FHIT: variants seen among roughly 807,000 people sequenced by gnomAD.
FHIT encodes the protein bis(5'-adenosyl)-triphosphatase.
In FHIT, 19 loss-of-function variants were observed where a neutral mutation model predicts 17.9. That is an observed-to-expected ratio of 1.06 (90% CI 0.74 to 1.56). The LOEUF is 1.56. FHIT is among the 40% of genes most tolerant of loss of function. The pLI is 0.00. For synonymous variants in FHIT, 81 were observed against 69.7 expected, an observed-to-expected ratio of 1.16 and a Z score of -0.81; for missense variants, 248 against 189.2, an observed-to-expected ratio of 1.31 and a Z score of -1.82.
chr3:60,967,729 T>G (rs61155298), intron 3 of FHIT, among the ~76,000 whole-genome samples: 1,831 of 152,270 alleles, frequency 0.012, 34 homozygotes, highest in African/African-American at 0.041. Context: ...AATGCCAGGT[T>G]AGTGAGAGGC....
At chr3:60,764,429 G>A (rs1553720902) in intron 4 of FHIT, among the ~76,000 whole-genome samples, 3 of 152,124 alleles carry the variant, frequency 2.0e-5, no homozygotes, top group African/African-American at 7.2e-5. Flanking sequence ...TAGGTGGGGA[G>A]GTGGATGAAC....
chr3:61,080,607 T>C (rs2035105334), intron 2 of FHIT, among the ~76,000 whole-genome samples: 1 of 152,194 alleles, frequency 6.6e-6, no homozygotes, highest in Non-Finnish European at 1.5e-5. Flanking sequence ...TTACATGTAA[T>C]TTTCTGAAAT....
intron 5 of FHIT, among the ~76,000 whole-genome samples, chr3:60,083,004 T>C (rs2142300): frequency 0.4 from 60,413 of 151,968 alleles, 12,526 homozygotes; most frequent in African/African-American, 0.5. Context: ...TTATGTTACA[T>C]TGCTTTTGAA....
At chr3:60,241,392 T>G (rs1705121381) in intron 5 of FHIT, among the ~76,000 whole-genome samples, 1 of 152,110 alleles carries the variant, frequency 6.6e-6, no homozygotes, top group Non-Finnish European at 1.5e-5. Context: ...AATCTTGAAT[T>G]TTCTAGGAAT....
chr3:61,069,611 TAAAAG>T (rs2034733485), intron 2 of FHIT, among the ~76,000 whole-genome samples: 1 of 152,162 alleles, frequency 6.6e-6, no homozygotes, highest in Non-Finnish European at 1.5e-5. Flanking sequence ...TTTCAAAAAT[TAAAAG>T]AGAAGAGATA....
intron 2 of FHIT, among the ~76,000 whole-genome samples, chr3:61,145,640 A>C (rs1192168028): frequency 6.6e-6 from 1 of 152,048 alleles, no homozygotes; most frequent in African/African-American, 2.4e-5. Flanking sequence ...AAAAATGTTA[A>C]GTTTTCTGAT....
intron 5 of FHIT, among the ~76,000 whole-genome samples, chr3:60,300,912 A>C (rs1708435791): frequency 6.6e-6 from 1 of 151,954 alleles, no homozygotes; most frequent in African/African-American, 2.4e-5. Context: ...TCCAGCCCCC[A>C]TTCTCTTTTA....
chr3:60,407,890 T>C (rs1701930790), intron 5 of FHIT, among the ~76,000 whole-genome samples: 1 of 152,192 alleles, frequency 6.6e-6, no homozygotes, highest in African/African-American at 2.4e-5. Flanking sequence ...TCTCTTCCCT[T>C]TGATGAACTG....
chr3:60,611,183 G>C (rs1454155727), intron 4 of FHIT, among the ~76,000 whole-genome samples: 1 of 152,174 alleles, frequency 6.6e-6, no homozygotes, highest in Non-Finnish European at 1.5e-5. Context: ...ATTGGGTACT[G>C]ATGGGGGTGC....
intron 8 of FHIT, among the ~76,000 whole-genome samples, chr3:59,904,143 G>A (rs1212597669): frequency 1.4e-5 from 2 of 142,664 alleles, no homozygotes; most frequent in African/African-American, 5.2e-5. Context: ...TGATAAAGGT[G>A]ACAGAATACA....
chr3:61,021,651 G>C (rs976451387), intron 3 of FHIT, among the ~76,000 whole-genome samples: 1 of 143,394 alleles, frequency 7.0e-6, no homozygotes, highest in African/African-American at 2.6e-5. Flanking sequence ...CTGTCTCTCA[G>C]ACCAAAGTGC....
intron 5 of FHIT, among the ~76,000 whole-genome samples, chr3:60,063,594 T>A: frequency 6.6e-6 from 1 of 152,172 alleles, no homozygotes; most frequent in East Asian, 1.9e-4. Flanking sequence ...CAAATTAAAT[T>A]AAAAGAAAGG....
intron 3 of FHIT, among the ~76,000 whole-genome samples, chr3:60,994,346 A>G (rs2030497056): frequency 1.3e-5 from 2 of 152,200 alleles, no homozygotes; most frequent in African/African-American, 4.8e-5. Context: ...GGGGAAGAGG[A>G]AGCAATCAAG....
chr3:60,257,891 C>G (rs545349070), intron 5 of FHIT, among the ~76,000 whole-genome samples: 1 of 151,888 alleles, frequency 6.6e-6, no homozygotes, highest in Non-Finnish European at 1.5e-5. Flanking sequence ...TAAGGCCTGT[C>G]GGAGGGTCAA....
intron 7 of FHIT, among the ~76,000 whole-genome samples, chr3:59,990,470 C>A (rs1216917596): frequency 6.6e-6 from 1 of 152,028 alleles, no homozygotes; most frequent in Non-Finnish European, 1.5e-5. Context: ...AAGCAGTTGG[C>A]ATTTCAAATC....
intron 8 of FHIT, among the ~76,000 whole-genome samples, chr3:59,901,341 C>T (rs1704320780): frequency 1.3e-5 from 2 of 152,134 alleles, no homozygotes; most frequent in Non-Finnish European, 2.9e-5. Flanking sequence ...GCTTCACCTG[C>T]AAGACAAAGG....
chr3:60,635,287 A>ACC (rs2039553156), intron 4 of FHIT, among the ~76,000 whole-genome samples: 1 of 113,504 alleles, frequency 8.8e-6, no homozygotes, highest in African/African-American at 3.3e-5. Flanking sequence ...CCAGAATCAC[A>ACC]TTTTTCTTTT....
chr3:60,675,183 T>A (rs1312508478), intron 4 of FHIT, among the ~76,000 whole-genome samples: 1 of 152,206 alleles, frequency 6.6e-6, no homozygotes, highest in Non-Finnish European at 1.5e-5. Context: ...AATTTTATAG[T>A]TATTCATGAA....
At chr3:59,869,326 C>T (rs1035519023) in intron 8 of FHIT, among the ~76,000 whole-genome samples, 1 of 152,024 alleles carries the variant, frequency 6.6e-6, no homozygotes, top group African/African-American at 2.4e-5. Context: ...TTCTATCCTG[C>T]CCAAATTCTG....
Sources: gnomAD v4.1 joint callset for allele counts (sites outside exome capture counted in the v4.1 genomes callset) on GRCh38, gnomAD v4.1.1 for gene constraint, MANE v1.5 for transcripts, NCBI Gene and HGNC (gene_info 2026-07-23, HGNC 2026-07-21) for gene names.